Variants in ABCC2 observed in about 807,000 individuals in gnomAD.
ABCC2 encodes the protein ATP-binding cassette sub-family C member 2.
A neutral mutation model predicts 173.4 loss-of-function variants in ABCC2; 157 were observed. That is an observed-to-expected ratio of 0.91 (90% confidence interval 0.80 to 1.03). The LOEUF is 1.03. ABCC2 is among the 50% of genes least tolerant of loss of function. The pLI is 0.00. For synonymous variants in ABCC2, 657 were observed against 693.5 expected, an observed-to-expected ratio of 0.95 and a Z score of 0.83; for missense variants, 1,822 against 1,852.3, an observed-to-expected ratio of 0.98 and a Z score of 0.30.
chr10:99,796,513 A>G (rs1052802127), intron 6 of ABCC2, among the ~76,000 whole-genome samples: 49 of 152,138 alleles, frequency 3.2e-4, no homozygotes, highest in African/African-American at 1.1e-3. Context: ...CAACAGAAAC[A>G]AAAAAAGAAG....
chr10:99,825,619 G>A (rs944690180), intron 19 of ABCC2, among the ~76,000 whole-genome samples: 2 of 152,230 alleles, frequency 1.3e-5, no homozygotes, highest in African/African-American at 2.4e-5. Context: ...GAATTGAAGA[G>A]CTAATAACCA....
intron 16 of ABCC2, among the ~76,000 whole-genome samples, chr10:99,814,119 A>G (rs1437089359): frequency 7.2e-6 from 1 of 138,424 alleles, no homozygotes; most frequent in African/African-American, 2.7e-5. Flanking sequence ...ATGTGTATAT[A>G]CACACATATG....
At chr10:99,843,659 T>C in intron 26 of ABCC2, 140 bp from the exon 27 acceptor site, 4 of 804,566 alleles carry the variant, frequency 5.0e-6, no homozygotes, top group Non-Finnish European at 9.0e-6. Flanking sequence ...AGGATTGTCT[T>C]TCTTACACTT....
intron 30 of ABCC2, among the ~76,000 whole-genome samples, chr10:99,848,668 G>A (rs2039050537): frequency 6.6e-6 from 1 of 152,212 alleles, no homozygotes; most frequent in Non-Finnish European, 1.5e-5. Flanking sequence ...TTACACTTGA[G>A]AAGCACTGCC....
chr10:99,805,453 A>G lies in ABCC2; in HGVS notation c.1530+6A>G. ...AGATTCTTAGTGGAATCAAGGTGAG[A>G]ATCTGAGCGTAGGTGGCTCTCTGTG... On this transcript the variant is annotated splice_donor_region_variant and intron_variant, in intron 11 of 31. Transcript: ENST00000647814. 1.2e-6 allele frequency: 2 copies of G among 1,613,690 alleles called. No individual in the cohort carries two copies. The highest frequency in any genetic ancestry group is 1.7e-6 in the Non-Finnish European group (2 of 1,179,670).
intron 7 of ABCC2, chr10:99,797,936 A>C (rs1002357103): frequency 4.4e-5 from 7 of 160,316 alleles, no homozygotes; most frequent in Admixed American, 4.1e-4. Flanking sequence ...TGTTCCAGTC[A>C]GAAGGAGCAG....
At position 99,836,100 on chromosome 10, in the gene ABCC2, G is replaced by T. The variant is rs375280444; in HGVS notation, c.3424G>T (p.Val1142Leu). 1.9e-6 allele frequency: 3 copies of T among 1,613,540 alleles called. No homozygotes were observed. Among genetic ancestry groups the T allele is most frequent in the Admixed American group, 3.3e-5 (2 of 60,022 alleles). Residue 1142 changes from valine (V) to leucine (L), a missense_variant, in exon 25 of 32, where the codon GTG becomes TTG. Physicochemically the swap from Val to Leu is conservative, Grantham distance 32. Coordinates refer to ENST00000647814, the MANE Select transcript of ABCC2 (RefSeq NM_000392.5). Reference sequence around the variant, plus strand: ...TACTTTTTGTGTCCAGATGTTTTATGTGTCTACCTCCCGCCAGCTGAGGCG... The same window carrying T: ...TACTTTTTGTGTCCAGATGTTTTATTTGTCTACCTCCCGCCAGCTGAGGCG... ...IIYVSVQMFY[V>L]STSRQLRRLD...
At chr10:99,811,725 C>A in intron 15 of ABCC2, 123 bp downstream of exon 15, 1 of 1,132,178 alleles carries the variant, frequency 8.8e-7, no homozygotes, top group Non-Finnish European at 1.3e-6. Flanking sequence ...CGGTTAGATA[C>A]TAGTGCAGGA....
chr10:99,813,418 A>T (rs1315886376), intron 16 of ABCC2, among the ~76,000 whole-genome samples: 4 of 152,184 alleles, frequency 2.6e-5, no homozygotes, highest in Admixed American at 1.3e-4. Context: ...TCTTCCTTCA[A>T]AATATAGGCA....
intron 15 of ABCC2, among the ~76,000 whole-genome samples, 197 bp from the exon 16 acceptor site, chr10:99,812,821 A>T (rs973933172): frequency 6.6e-6 from 1 of 152,256 alleles, no homozygotes; most frequent in Admixed American, 6.5e-5. Context: ...CTCATTCTCT[A>T]GCCTTTTAGA....
intron 10 of ABCC2, 21 bp from the exon 11 acceptor site, chr10:99,805,361 C>A (rs201953428): frequency 1.4e-5 from 22 of 1,609,276 alleles, no homozygotes; most frequent in Middle Eastern, 1.7e-4. Context: ...TATTGTTTTT[C>A]TTTTGCTTTT....
intron 19 of ABCC2, among the ~76,000 whole-genome samples, chr10:99,821,516 T>G (rs1416942203): frequency 1.3e-5 from 2 of 152,036 alleles, no homozygotes; most frequent in African/African-American, 2.4e-5. Context: ...CTTCCGCAGT[T>G]TTTGTGTCCC....
intron 23 of ABCC2, 124 bp downstream of exon 23, chr10:99,832,255 A>C: frequency 7.7e-7 from 1 of 1,291,584 alleles, no homozygotes; most frequent in Non-Finnish European, 1.1e-6. Context: ...CTCAACATGC[A>C]AGTGTTTCTT....
chr10:99,808,209 A>G lies in ABCC2; in HGVS notation c.1795A>G (p.Met599Val), dbSNP rs1048609880. The G allele has an allele frequency of 2.5e-6, 4 of 1,614,028 alleles. No homozygotes were observed. The highest frequency in any genetic ancestry group is 3.3e-5 in the Admixed American group (2 of 60,008). The change falls in exon 13 of 32, where the codon ATG (methionine) becomes GTG (valine). Residue 599 changes from methionine (M) to valine (V), a missense_variant. By Grantham distance (21) the Met-to-Val change is conservative. Coordinates refer to ENST00000647814, the MANE Select transcript of ABCC2 (RefSeq NM_000392.5). ...LRFPLSMLPM[M>V]ISSMLQASVS... ...CTTTCCCCTGAGCATGCTTCCCATG[A>G]TGATCTCCTCCATGCTCCAGGTAGG... is the stretch of plus-strand genomic sequence containing the variant.
chr10:99,830,394 T>C lies in ABCC2; in HGVS notation c.2708T>C (p.Met903Thr). The C allele has an allele frequency of 6.2e-7, 1 of 1,613,866 alleles. No individual in the cohort carries two copies. The highest frequency in any genetic ancestry group is 1.7e-4 in the Middle Eastern group (1 of 6,060). Residue 903 changes from methionine to threonine, a missense_variant, in exon 20 of 32, where the codon ATG becomes ACG. By Grantham distance (81) the Met-to-Thr change is moderately conservative (BLOSUM62 -1). Transcript: ENST00000647814. Reference protein sequence around the residue: ...EIPEDAASITMRRENSFRRTL... With the variant: ...EIPEDAASITTRRENSFRRTL... ...CCCGAAGATGCAGCCTCCATAACCA[T>C]GAGAAGAGAGAACAGCTTTCGTCGA...
At position 99,787,663 on chromosome 10, in the gene ABCC2, T is replaced by C. The variant is rs189993269; in HGVS notation, c.207+2882T>C. Among the ~76,000 whole-genome samples, 15 of 150,274 alleles carry C rather than the reference T, an allele frequency of 1.0e-4. No homozygotes were observed. In the East Asian group the frequency reaches 2.5e-3, roughly 26 times the overall value. The stretch of plus-strand genomic sequence containing the variant: ...TTTTTAATTTGTTAAGTGTATTTCA[T>C]TTGCGAATTGTCTGTTCATATCACT... On this transcript the variant is annotated intron_variant, in intron 2 of 31. Coordinates refer to ENST00000647814, the MANE Select transcript of ABCC2 (RefSeq NM_000392.5).
chr10:99,808,668 C>T (rs2038157765), intron 13 of ABCC2, among the ~76,000 whole-genome samples: 2 of 152,122 alleles, frequency 1.3e-5, no homozygotes, highest in Admixed American at 1.3e-4. Context: ...TTGAGAGCCT[C>T]AAGCTATCAG....
At chr10:99,811,095 C>T (rs1254101004) in intron 14 of ABCC2, among the ~76,000 whole-genome samples, 1 of 151,874 alleles carries the variant, frequency 6.6e-6, no homozygotes, top group East Asian at 1.9e-4. Flanking sequence ...CTTTGGGAGG[C>T]TGAGATGGGC....
At chr10:99,812,383 AGTTCCTAAT>A (rs2038231193) in intron 15 of ABCC2, among the ~76,000 whole-genome samples, 1 of 152,238 alleles carries the variant, frequency 6.6e-6, no homozygotes, top group Non-Finnish European at 1.5e-5. Context: ...ACTGTGAACA[AGTTCCTAAT>A]GTTCCTAATG....
Sources: allele counts gnomAD v4.1 joint callset (sites outside exome capture counted in the v4.1 genomes callset), GRCh38; gene constraint gnomAD v4.1.1; transcripts MANE v1.5; gene names NCBI Gene and HGNC (gene_info 2026-07-23, HGNC 2026-07-21).